The following CNBD1 variants were observed in gnomAD, a reference collection of about 807,000 sequenced individuals.
The protein encoded by CNBD1 is cyclic nucleotide binding domain containing 1.
In CNBD1, 71 loss-of-function variants were observed where a neutral mutation model predicts 54.4. The observed-to-expected ratio is 1.30, with a 90% CI of 1.08 to 1.59. The LOEUF is 1.59. Ranked by LOEUF, CNBD1 falls within the 40% of genes most tolerant of loss-of-function variation. CNBD1 has a pLI of 0.00. For synonymous variants in CNBD1, 182 were observed against 170.7 expected (o/e 1.07, Z -0.51); for missense variants, 659 against 518.0 (o/e 1.27, Z -2.64).
At chr8:87,016,836 T>G (rs1056284054) in intron 4 of CNBD1, among the ~76,000 whole-genome samples, 23 of 152,156 alleles carry the variant, frequency 1.5e-4, no homozygotes, top group Admixed American at 1.2e-3. Flanking sequence ...AGAAGGGGAT[T>G]GCCCAACGCT....
In CNBD1 at chr8:87,428,487, C is replaced by G; in HGVS notation, c.214-59C>G. The G allele has an allele frequency of 1.4e-5, 2 of 144,326 alleles. 1 individual carries two copies. Among genetic ancestry groups the G allele is most frequent in the South Asian group, 6.9e-5 (2 of 28,960 alleles). The allele number at this position is 144,326 out of a possible 1,614,324, so 8.9% of individuals were successfully genotyped here. A position where few individuals can be genotyped will look rare whatever the true frequency, so the allele number is the denominator to read the frequency against. ...GATAAAAATAGGATTAGCAATTGCTCTTTTTATGAAGATTATTTTTTTATG... is the reference window on the plus strand; with the variant it reads ...GATAAAAATAGGATTAGCAATTGCTGTTTTTATGAAGATTATTTTTTTATG... On this transcript the variant is annotated intron_variant, in intron 2 of 7. Transcript: ENST00000521593.
intron 4 of CNBD1, among the ~76,000 whole-genome samples, chr8:87,095,872 A>T (rs111902811): frequency 5.9e-5 from 9 of 152,218 alleles, no homozygotes; most frequent in African/African-American, 1.9e-4. Context: ...GTTAGCCAGG[A>T]TGGTCTCGAT....
At chr8:87,027,170 C>A (rs980259766) in intron 4 of CNBD1, among the ~76,000 whole-genome samples, 47 of 127,450 alleles carry the variant, frequency 3.7e-4, no homozygotes, top group South Asian at 6.0e-4. Context: ...TACAAACTCA[C>A]CAGTTTAGAG....
chr8:87,339,281 C>T (rs1434229655), intron 8 of CNBD1, among the ~76,000 whole-genome samples: 1 of 152,126 alleles, frequency 6.6e-6, no homozygotes, highest in Non-Finnish European at 1.5e-5. Context: ...ATTCGAGCAT[C>T]ATAGTAATGG....
intron 10 of CNBD1, among the ~76,000 whole-genome samples, chr8:87,357,695 T>C (rs1161984062): frequency 1.3e-5 from 2 of 152,048 alleles, no homozygotes; most frequent in Admixed American, 6.6e-5. Context: ...GACTTTTGAG[T>C]TGATGCTAGA....
intron 8 of CNBD1, among the ~76,000 whole-genome samples, chr8:87,298,402 C>A (rs1002211662): frequency 5.9e-5 from 9 of 152,032 alleles, no homozygotes; most frequent in Admixed American, 1.3e-4. Context: ...CTACTCCTCA[C>A]CCCATGATCA....
intron 4 of CNBD1, among the ~76,000 whole-genome samples, chr8:86,995,846 A>G (rs796357944): frequency 1.2e-4 from 19 of 152,322 alleles, no homozygotes; most frequent in African/African-American, 4.3e-4. Context: ...TTTCATTACC[A>G]TGCTTACATT....
chr8:87,011,694 G>T (rs1809226381), intron 4 of CNBD1, among the ~76,000 whole-genome samples: 1 of 151,932 alleles, frequency 6.6e-6, no homozygotes, highest in Non-Finnish European at 1.5e-5. Context: ...TATATAGAAA[G>T]AACACATTTT....
chr8:86,913,027 C>A (rs1184146672), intron 3 of CNBD1, among the ~76,000 whole-genome samples: 3 of 152,112 alleles, frequency 2.0e-5, no homozygotes, highest in African/African-American at 2.4e-5. Context: ...TTTTGTACAG[C>A]TGTACAATGT....
intron 4 of CNBD1, among the ~76,000 whole-genome samples, chr8:87,201,675 C>T (rs1331902260): frequency 2.0e-5 from 3 of 152,058 alleles, no homozygotes; most frequent in Non-Finnish European, 4.4e-5. Context: ...ATGTACAAGA[C>T]TTGTACACTA....
chr8:87,421,501 C>A (rs1397523751), intron 2 of CNBD1, among the ~76,000 whole-genome samples: 1 of 147,934 alleles, frequency 6.8e-6, no homozygotes, highest in African/African-American at 2.5e-5. Context: ...GTTCAATTCC[C>A]ACCTATGAGT....
intron 8 of CNBD1, among the ~76,000 whole-genome samples, chr8:87,287,297 T>C (rs13271931): frequency 0.32 from 48,768 of 152,006 alleles, 8,811 homozygotes; most frequent in Non-Finnish European, 0.4. Context: ...TAACAAGGGT[T>C]GCTAAACCAA....
chr8:87,174,929 C>A (rs1346988172), intron 4 of CNBD1, among the ~76,000 whole-genome samples: 2 of 152,186 alleles, frequency 1.3e-5, no homozygotes, highest in African/African-American at 4.8e-5. Flanking sequence ...TCAGTGAAGT[C>A]TTCCTCTCTG....
chr8:87,249,336 A>G (rs904370657), intron 6 of CNBD1, among the ~76,000 whole-genome samples: 11 of 152,162 alleles, frequency 7.2e-5, no homozygotes, highest in Non-Finnish European at 2.9e-5. Context: ...CTGTAAACAT[A>G]GATGAAGCTT....
intron 2 of CNBD1, among the ~76,000 whole-genome samples, chr8:87,396,276 C>A (rs1040318227): frequency 6.6e-6 from 1 of 151,902 alleles, no homozygotes; most frequent in Admixed American, 6.6e-5. Context: ...TAGTTTCATA[C>A]AACAATCTAT....
At chr8:87,303,504 T>A (rs1809062991) in intron 8 of CNBD1, among the ~76,000 whole-genome samples, 1 of 152,028 alleles carries the variant, frequency 6.6e-6, no homozygotes, top group Admixed American at 6.6e-5. Context: ...GATTAAAGAC[T>A]TAAATGTTAG....
chr8:87,116,419 G>A lies in CNBD1; in HGVS notation c.432-89574G>A, dbSNP rs1194539229. Among the ~76,000 whole-genome samples, 3 of 151,774 alleles carry A rather than the reference G, an allele frequency of 2.0e-5. No homozygotes were observed. The East Asian group carries it at 5.8e-4, about 29-fold the overall frequency. On this transcript the variant is annotated intron_variant, in intron 4 of 10. Transcript: ENST00000518476. ...GGTAGAGATGGAGTCTCACTGTGTT[G>A]CCCAGGCTGGTCTTGAACTCCTGGG...
At chr8:87,223,065 T>G (rs1201004916) in intron 5 of CNBD1, among the ~76,000 whole-genome samples, 1 of 150,858 alleles carries the variant, frequency 6.6e-6, no homozygotes, top group African/African-American at 2.4e-5. Context: ...TTTTTTTTTT[T>G]TTTCAACAAA....
intron 1 of CNBD1, among the ~76,000 whole-genome samples, chr8:86,879,862 A>T (rs1808577949): frequency 9.0e-6 from 1 of 110,680 alleles, no homozygotes; most frequent in Non-Finnish European, 1.9e-5. Context: ...ACAGAGCGAG[A>T]GTCCGTCAAA....
Sources: gnomAD v4.1 joint callset for allele counts (sites outside exome capture counted in the v4.1 genomes callset) on GRCh38, gnomAD v4.1.1 for gene constraint, MANE v1.5 for transcripts, NCBI Gene and HGNC (gene_info 2026-07-23, HGNC 2026-07-21) for gene names.